EXT1: variants seen among roughly 807,000 people sequenced by gnomAD.
The protein encoded by EXT1 is exostosin-1.
Under a neutral mutation model 82.5 loss-of-function variants are expected in EXT1, and 20 were observed. The observed-to-expected ratio is 0.24, with a 90% CI of 0.17 to 0.35. The LOEUF (loss-of-function observed/expected upper bound fraction) is 0.35. EXT1 is among the 10% of genes least tolerant of loss of function. EXT1 has a pLI of 1.00. For synonymous variants in EXT1, 348 were observed against 350.8 expected (o/e 0.99, Z 0.09); for missense variants, 757 against 936.5 (o/e 0.81, Z 2.50).
intron 3 of EXT1, 128 bp from the exon 4 acceptor site, chr8:117,830,477 A>C: frequency 1.0e-6 from 1 of 978,766 alleles, no homozygotes; most frequent in South Asian, 1.7e-5. Flanking sequence ...AGATCTACTA[A>C]AAATCATCAA....
chr8:117,873,158 A>C (rs757839974), intron 1 of EXT1, among the ~76,000 whole-genome samples: 1 of 152,142 alleles, frequency 6.6e-6, no homozygotes, highest in Non-Finnish European at 1.5e-5. Flanking sequence ...GCAGTCTGTA[A>C]CCTGAAAGAG....
intron 1 of EXT1, among the ~76,000 whole-genome samples, chr8:118,009,858 C>T (rs1815858168): frequency 6.6e-6 from 1 of 152,116 alleles, no homozygotes; most frequent in Admixed American, 6.5e-5. Flanking sequence ...GAAACCGGTT[C>T]CTGGTGCCAA....
chr8:117,991,637 C>T (rs796641221), intron 1 of EXT1, among the ~76,000 whole-genome samples: 87 of 152,332 alleles, frequency 5.7e-4, no homozygotes, highest in African/African-American at 1.9e-3. Context: ...TCTCAGCTCA[C>T]TGCAACCTCC....
At chr8:118,087,703 T>A (rs1817448428) in intron 1 of EXT1, among the ~76,000 whole-genome samples, 1 of 152,144 alleles carries the variant, frequency 6.6e-6, no homozygotes, top group Non-Finnish European at 1.5e-5. Context: ...TAATAAAAGA[T>A]AAGTTTGATT....
chr8:117,946,214 T>C (rs1239740727), intron 1 of EXT1, among the ~76,000 whole-genome samples: 1 of 152,222 alleles, frequency 6.6e-6, no homozygotes, highest in Non-Finnish European at 1.5e-5. Flanking sequence ...TACTGTATTA[T>C]GGATGAGGAA....
At chr8:117,868,148 T>C (rs1308435161) in intron 1 of EXT1, among the ~76,000 whole-genome samples, 4 of 152,158 alleles carry the variant, frequency 2.6e-5, no homozygotes, top group African/African-American at 9.7e-5. Context: ...TACACCAGGG[T>C]TAACAACCTC....
chr8:117,858,821 G>GA lies in EXT1; in HGVS notation c.963-21621dup, dbSNP rs1563582177. Among the ~76,000 whole-genome samples, 24 of 33,014 alleles carry GA rather than the reference G, an allele frequency of 7.3e-4. 1 individual carries two copies. Among genetic ancestry groups the GA allele is most frequent in the African/African-American group, 2.7e-3 (24 of 8,930 alleles). 21.7% of individuals were successfully genotyped at this position (33,014 alleles called of 152,430 possible). A position where few individuals can be genotyped will look rare whatever the true frequency, so the allele number is the denominator to read the frequency against. Reference sequence around the variant, plus strand: ...AAGGCAAGGCAAGGCAGGAAGGAAGGAAGGAAGGAAGGAAGGAAGGAAGGA... The same window carrying GA: ...AAGGCAAGGCAAGGCAGGAAGGAAGGAAAGGAAGGAAGGAAGGAAGGAAGGA... On this transcript the variant is annotated intron_variant, in intron 1 of 10. Transcript: ENST00000378204.
chr8:117,940,749 T>A (rs1251665773), intron 1 of EXT1, among the ~76,000 whole-genome samples: 2 of 152,164 alleles, frequency 1.3e-5, no homozygotes, highest in Non-Finnish European at 2.9e-5. Context: ...AAAATTGAAA[T>A]CTGTCTGGGT....
At chr8:117,808,971 G>A (rs10955832) in intron 8 of EXT1, among the ~76,000 whole-genome samples, 54,792 of 151,126 alleles carry the variant, frequency 0.36, 10,686 homozygotes, top group Admixed American at 0.51. Flanking sequence ...CTGGGACATC[G>A]AACTTCTATT....
intron 1 of EXT1, among the ~76,000 whole-genome samples, chr8:118,053,783 T>C (rs1816754637): frequency 6.6e-6 from 1 of 152,258 alleles, no homozygotes; most frequent in African/African-American, 2.4e-5. Flanking sequence ...GTGGCCTTGC[T>C]GTCAATGCTC....
rs1300372799 is a variant in EXT1, at chr8:117,796,630, A to C, written c.*3082T>G. 6 of 152,342 alleles carry C rather than the reference A, an allele frequency of 3.9e-5. No homozygotes were observed. In the South Asian group the frequency reaches 6.2e-4, roughly 16 times the overall value. 9.4% of individuals were successfully genotyped at this position (152,342 alleles called of 1,614,324 possible). On this transcript the variant is annotated 3_prime_UTR_variant, in exon 11 of 11. Coordinates refer to ENST00000378204, the MANE Select transcript of EXT1 (RefSeq NM_000127.3). ...ACAAGAAGAAATTAAACTGTAATGC[A>C]CATAAGATTCCAGTAACAAGCTTTC...
intron 1 of EXT1, among the ~76,000 whole-genome samples, chr8:118,058,490 A>G (rs534693949): frequency 3.9e-5 from 6 of 152,326 alleles, no homozygotes; most frequent in African/African-American, 1.2e-4. Context: ...ACCTTCTCAT[A>G]AAAAGAGAAA....
chr8:118,068,418 AC>A (rs1817028895), intron 1 of EXT1, among the ~76,000 whole-genome samples: 3 of 152,138 alleles, frequency 2.0e-5, no homozygotes, highest in Admixed American at 1.3e-4. Flanking sequence ...GCACCTATCA[AC>A]CCATCACCTA....
chr8:117,936,901 C>CAAAT (rs199885796), intron 1 of EXT1, among the ~76,000 whole-genome samples: 6 of 151,918 alleles, frequency 3.9e-5, no homozygotes, highest in African/African-American at 1.2e-4. Flanking sequence ...AACAAACAAA[C>CAAAT]AAATAAATAA....
At chr8:118,009,619 G>C (rs1725683380) in intron 1 of EXT1, among the ~76,000 whole-genome samples, 1 of 152,248 alleles carries the variant, frequency 6.6e-6, no homozygotes, top group East Asian at 1.9e-4. Flanking sequence ...CAGGAAGCGA[G>C]TGACAGGCAA....
At chr8:117,950,014 C>T (rs2129692589) in intron 1 of EXT1, among the ~76,000 whole-genome samples, 1 of 152,208 alleles carries the variant, frequency 6.6e-6, no homozygotes, top group Admixed American at 6.5e-5. Context: ...CGCTTGAGGT[C>T]AGGAGTCTGA....
intron 1 of EXT1, among the ~76,000 whole-genome samples, chr8:117,864,680 CG>C (rs1317903261): frequency 6.8e-6 from 1 of 146,520 alleles, no homozygotes; most frequent in East Asian, 2.0e-4. Flanking sequence ...ACCCAGGAGG[CG>C]GAGCTTGCGG....
chr8:117,909,534 T>C (rs902324672), intron 1 of EXT1, among the ~76,000 whole-genome samples: 6 of 152,160 alleles, frequency 3.9e-5, no homozygotes, highest in African/African-American at 1.4e-4. Context: ...GTTCCCATGT[T>C]TTTTATATTT....
At chr8:118,022,631 C>A (rs1407119729) in intron 1 of EXT1, among the ~76,000 whole-genome samples, 2 of 150,552 alleles carry the variant, frequency 1.3e-5, no homozygotes, top group African/African-American at 4.9e-5. Flanking sequence ...AGCCACCACG[C>A]CTGGCCCAAA....
Sources: allele counts gnomAD v4.1 joint callset (sites outside exome capture counted in the v4.1 genomes callset), GRCh38; gene constraint gnomAD v4.1.1; transcripts MANE v1.5; gene names NCBI Gene and HGNC (gene_info 2026-07-23, HGNC 2026-07-21).